The following FAM185A variants were observed in gnomAD, a reference collection of about 807,000 sequenced individuals.
FAM185A encodes the protein protein FAM185A.
A neutral mutation model predicts 45.7 loss-of-function variants in FAM185A; 21 were observed. The observed-to-expected ratio is 0.46, with a 90% CI of 0.33 to 0.66. The LOEUF is 0.66. Ranked by LOEUF, FAM185A falls within the 30% of genes least tolerant of loss-of-function variation. The pLI, the probability that FAM185A is intolerant of heterozygous loss-of-function variation, is 0.03. For missense variants in FAM185A, 305 were observed against 485.4 expected, an observed-to-expected ratio of 0.63 and a Z score of 3.49; for synonymous variants, 117 against 194.0, an observed-to-expected ratio of 0.60 and a Z score of 3.30.
intron 2 of FAM185A, chr7:102,755,744 C>T (rs1793680092): frequency 8.8e-6 from 5 of 567,862 alleles, no homozygotes; most frequent in South Asian, 7.0e-5. Flanking sequence ...ACACCACTGT[C>T]GACTTCACAC....
chr7:102,821,886 A>G, the FAM185A span, among the ~76,000 whole-genome samples: 1 of 152,228 alleles, frequency 6.6e-6, no homozygotes, highest in African/African-American at 2.4e-5. Flanking sequence ...GTTTTAGAAC[A>G]ACTCACAATG....
chr7:102,754,204 ATTT>A (rs10651309), intron 2 of FAM185A, among the ~76,000 whole-genome samples: 7 of 147,180 alleles, frequency 4.8e-5, no homozygotes, highest in African/African-American at 1.0e-4. Context: ...AATAAAAAAA[ATTT>A]TTTTTTTTTT....
In FAM185A at chr7:102,761,322, A is replaced by G. The variant is rs1794092555; in HGVS notation, c.704A>G (p.Glu235Gly). The change falls in exon 4 of 8, where the codon GAA becomes GGA. Residue 235 changes from glutamate (E) to glycine (G), a missense_variant. Coordinates refer to ENST00000413034, the MANE Select transcript of FAM185A (RefSeq NM_001145268.2). ...GGAAGTTCTGTTACTGTATCTACCG[A>G]AGATGGTTTGCTGAAAGCCAAGTAT... The part of the protein sequence containing the change: ...LQGSSVTVST[E>G]DGLLKAKYLY... The G allele has an allele frequency of 3.2e-6, 5 of 1,547,508 alleles. No individual in the cohort carries two copies. The highest frequency in any genetic ancestry group is 4.4e-6 in the Non-Finnish European group (5 of 1,145,120).
the FAM185A span, among the ~76,000 whole-genome samples, chr7:102,818,848 A>G: frequency 6.6e-6 from 1 of 152,190 alleles, no homozygotes; most frequent in Non-Finnish European, 1.5e-5. Flanking sequence ...GGTTTGTGAC[A>G]TAGGTAAACG....
chr7:102,802,895 A>G (rs559080817), intron 7 of FAM185A, among the ~76,000 whole-genome samples: 1 of 152,308 alleles, frequency 6.6e-6, no homozygotes, highest in East Asian at 1.9e-4. Context: ...ATTCAAAGCT[A>G]CTATGAACAC....
the FAM185A span, chr7:102,833,019 C>G: frequency 3.7e-6 from 6 of 1,603,484 alleles, no homozygotes; most frequent in Non-Finnish European, 8.5e-7. Flanking sequence ...CTTTAGTCAT[C>G]TAGAACTGTC....
At chr7:102,803,916 C>T (rs898150640) in intron 7 of FAM185A, among the ~76,000 whole-genome samples, 1 of 152,116 alleles carries the variant, frequency 6.6e-6, no homozygotes, top group African/African-American at 2.4e-5. Flanking sequence ...AAATCAATAA[C>T]TCAACCCCTT....
downstream of FAM185A, among the ~76,000 whole-genome samples, chr7:102,811,818 C>A (rs1483810722): frequency 6.6e-6 from 1 of 152,198 alleles, no homozygotes; most frequent in Non-Finnish European, 1.5e-5. Flanking sequence ...ACTTCCCACT[C>A]AAATGATTCT....
chr7:102,761,307 T>C lies in FAM185A; in HGVS notation c.689T>C (p.Val230Ala). The C allele has an allele frequency of 6.5e-7, 1 of 1,547,324 alleles. No homozygotes were observed. Among genetic ancestry groups the C allele is most frequent in the East Asian group, 2.5e-5 (1 of 40,546 alleles). Reference sequence around the variant, plus strand: ...ATAGATAAACTGCAGGGAAGTTCTGTTACTGTATCTACCGAAGATGGTTTG... The same window carrying C: ...ATAGATAAACTGCAGGGAAGTTCTGCTACTGTATCTACCGAAGATGGTTTG... Reference protein sequence around the residue: ...VTIDKLQGSSVTVSTEDGLLK... With the variant: ...VTIDKLQGSSATVSTEDGLLK... Residue 230 changes from valine to alanine, a missense_variant, in exon 4 of 8, where the codon GTT (valine) becomes GCT (alanine). By Grantham distance (64) the Val-to-Ala change is moderately conservative (BLOSUM62 0). Around this residue, in one of 5 missense-constraint regions of FAM185A, gnomAD observed 44 missense variants for 66.8 expected, o/e 0.66. Coordinates refer to ENST00000413034, the MANE Select transcript of FAM185A (RefSeq NM_001145268.2).
chr7:102,765,943 A>G (rs187852606), intron 4 of FAM185A, among the ~76,000 whole-genome samples: 499 of 152,060 alleles, frequency 3.3e-3, no homozygotes, highest in African/African-American at 0.011. Context: ...ATTTGGTTTT[A>G]TATGAATAAT....
chr7:102,827,449 GT>G, the FAM185A span, among the ~76,000 whole-genome samples: 4 of 152,266 alleles, frequency 2.6e-5, no homozygotes, highest in Non-Finnish European at 2.9e-5. Context: ...AGAGTGACTG[GT>G]TACACAGCAA....
chr7:102,771,341 T>A (rs927941277), intron 4 of FAM185A, among the ~76,000 whole-genome samples: 1 of 152,148 alleles, frequency 6.6e-6, no homozygotes, highest in African/African-American at 2.4e-5. Flanking sequence ...TGCACATGTA[T>A]CCCCTGAATC....
chr7:102,806,702 T>C (rs1797134839), intron 7 of FAM185A, among the ~76,000 whole-genome samples: 1 of 152,190 alleles, frequency 6.6e-6, no homozygotes, highest in South Asian at 2.1e-4. Flanking sequence ...CTTCATAACC[T>C]TGATTTGTAA....
chr7:102,848,881 T>C, the FAM185A span, among the ~76,000 whole-genome samples: 1 of 151,960 alleles, frequency 6.6e-6, no homozygotes, highest in Non-Finnish European at 1.5e-5. Flanking sequence ...ATGCCTGTAA[T>C]CCCAGCTACT....
intron 6 of FAM185A, among the ~76,000 whole-genome samples, chr7:102,778,187 T>C (rs974507230): frequency 6.6e-6 from 1 of 152,256 alleles, no homozygotes; most frequent in Non-Finnish European, 1.5e-5. Context: ...ATTGATGTAA[T>C]AGTTTTTTTT....
chr7:102,820,475 G>T, the FAM185A span, among the ~76,000 whole-genome samples: 1 of 152,110 alleles, frequency 6.6e-6, no homozygotes, highest in African/African-American at 2.4e-5. Flanking sequence ...TTTTTTGCAC[G>T]TATATTTTTT....
intron 6 of FAM185A, among the ~76,000 whole-genome samples, chr7:102,784,296 T>C (rs1795626168): frequency 6.6e-6 from 1 of 151,416 alleles, no homozygotes; most frequent in Non-Finnish European, 1.5e-5. Context: ...ACTATTCCAA[T>C]CAATAGAAAA....
chr7:102,794,271 C>T (rs1049663388), intron 7 of FAM185A, among the ~76,000 whole-genome samples: 2 of 151,960 alleles, frequency 1.3e-5, no homozygotes, highest in African/African-American at 4.8e-5. Context: ...TAAACCATAG[C>T]CAAATCCTTA....
the FAM185A span, chr7:102,822,154 T>G: frequency 6.2e-7 from 1 of 1,614,176 alleles, no homozygotes; most frequent in Non-Finnish European, 8.5e-7. Flanking sequence ...ATCCAAAATG[T>G]GCAGGTAATG....
Sources: allele counts gnomAD v4.1 joint callset (sites outside exome capture counted in the v4.1 genomes callset), GRCh38; gene constraint gnomAD v4.1.1; regional missense constraint gnomAD v4.1.1; transcripts MANE v1.5; gene names NCBI Gene and HGNC (gene_info 2026-07-23, HGNC 2026-07-21).